FCGR3B: variants seen among roughly 807,000 people sequenced by gnomAD.
The protein encoded by FCGR3B is Fc gamma receptor IIIb.
Under a neutral mutation model 26.7 loss-of-function variants are expected in FCGR3B, and 20 were observed. The observed-to-expected ratio is 0.75, with a 90% CI of 0.53 to 1.09. FCGR3B has a LOEUF of 1.09. FCGR3B is among the 50% of genes least tolerant of loss of function. FCGR3B has a pLI of 0.00. For synonymous variants in FCGR3B, 79 were observed against 107.0 expected (o/e 0.74, Z 1.62); for missense variants, 191 against 279.7 (o/e 0.68, Z 2.26).
Position 161,624,650 on chromosome 1 carries a change from A to G in FCGR3B, c.578-11T>C. Reference sequence around the variant, plus strand: ...TTGACACTGCCAAACCTATTAGGAGAAGTGGAGAGATGAAAAAAAATGACA... The same window carrying G: ...TTGACACTGCCAAACCTATTAGGAGGAGTGGAGAGATGAAAAAAAATGACA... On this transcript the variant is annotated splice_polypyrimidine_tract_variant and intron_variant, in intron 4 of 4. Transcript: ENST00000650385. 1 of 1,596,414 alleles carries G rather than the reference A, an allele frequency of 6.3e-7. No individual in the cohort carries two copies. Among genetic ancestry groups the G allele is most frequent in the South Asian group, 1.1e-5 (1 of 89,358 alleles).
intron 3 of FCGR3B, 126 bp from the exon 4 acceptor site, chr1:161,626,528 A>G (rs1297379412): frequency 4.7e-6 from 4 of 844,762 alleles, no homozygotes; most frequent in Non-Finnish European, 7.1e-6. Context: ...TCAACCCTGC[A>G]TAGCTCCCTT....
At chr1:161,628,401 T>A (rs538424388) in intron 3 of FCGR3B, among the ~76,000 whole-genome samples, 1 of 150,366 alleles carries the variant, frequency 6.7e-6, no homozygotes, top group African/African-American at 2.5e-5. Flanking sequence ...CTAATTCTCA[T>A]GGTCACAGTT....
Position 161,626,885 on chromosome 1 carries a change from C to T in FCGR3B, c.320-483G>A, listed in dbSNP as rs138398547. Among the ~76,000 whole-genome samples, 15 of 150,352 alleles carry T rather than the reference C, an allele frequency of 1.0e-4. 4 individuals carry two copies. Among genetic ancestry groups the T allele is most frequent in the South Asian group, 6.3e-4 (3 of 4,734 alleles). ...CTTGTGGCCTTCAGGAATAAGCTGACGGTCGCCACAGAGTGGCTGCAGAAA... is the reference window on the plus strand; with the variant it reads ...CTTGTGGCCTTCAGGAATAAGCTGATGGTCGCCACAGAGTGGCTGCAGAAA... On this transcript the variant is annotated intron_variant, in intron 3 of 4. Coordinates refer to ENST00000650385, the MANE Select transcript of FCGR3B (RefSeq NM_001244753.2).
chr1:161,624,584 G>C lies in FCGR3B; in HGVS notation c.633C>G (p.Phe211Leu). The C allele has an allele frequency of 6.2e-7, 1 of 1,606,374 alleles. No individual in the cohort carries two copies. Among genetic ancestry groups the C allele is most frequent in the Non-Finnish European group, 8.5e-7 (1 of 1,176,328 alleles). ...SFSPPGYQVS[F>L]CLVMVLLFAV... ...CAAAAAGGAGTACCATCACCAAGCA[G>C]AAAGAGACTTGGTACCCAGGTGGAG... The change falls in exon 5 of 5, where the codon TTC (phenylalanine) becomes TTG (leucine). Residue 211 changes from phenylalanine (F) to leucine (L), a missense_variant. By Grantham distance (22) the Phe-to-Leu change is conservative (BLOSUM62 0). Transcript: ENST00000650385.
intron 4 of FCGR3B, among the ~76,000 whole-genome samples, chr1:161,625,345 G>A (rs1250642819): frequency 1.4e-5 from 2 of 138,418 alleles, no homozygotes; most frequent in East Asian, 2.0e-4. Context: ...TGATTCTGGA[G>A]GCTGGTGCTA....
chr1:161,625,160 C>A (rs1280538767), intron 4 of FCGR3B, among the ~76,000 whole-genome samples: 1 of 128,902 alleles, frequency 7.8e-6, no homozygotes, highest in Non-Finnish European at 1.7e-5. Context: ...TATTTACTTT[C>A]AGTTTAAAGT....
intron 4 of FCGR3B, 102 bp downstream of exon 4, chr1:161,626,043 G>A (rs1679436322): frequency 1.5e-6 from 2 of 1,373,196 alleles, no homozygotes; most frequent in South Asian, 1.4e-5. Flanking sequence ...ATGAAGAAGT[G>A]CGTGTAAGAA....
chr1:161,631,222 C>T (rs774032403), upstream of FCGR3B: 7 of 1,580,136 alleles, frequency 4.4e-6, 1 homozygote, highest in Non-Finnish European at 4.3e-6. Context: ...CTGCCAGTTT[C>T]CTTTTCTTGA....
Position 161,623,580 on chromosome 1 carries a change from C to T in FCGR3B, c.*935G>A, listed in dbSNP as rs1420018720. ...ACCCCGGCCAAGAAAGCATTTTCAC[C>T]TCCTGCGCTTTCCTTCCTGTGTGCT... On this transcript the variant is annotated 3_prime_UTR_variant, in exon 5 of 5. Coordinates refer to ENST00000650385, the MANE Select transcript of FCGR3B (RefSeq NM_001244753.2). 6.7e-6 allele frequency: 1 copy of T among 148,790 alleles called. No homozygotes were observed. The highest frequency in any genetic ancestry group is 1.9e-4 in the East Asian group (1 of 5,260). 9.2% of individuals were successfully genotyped at this position (148,790 alleles called of 1,614,324 possible). A position where few individuals can be genotyped will look rare whatever the true frequency, so the allele number is the denominator to read the frequency against.
In FCGR3B at chr1:161,630,018, C is replaced by G. The variant is rs201534974; in HGVS notation, c.79G>C (p.Val27Leu). The change falls in exon 3 of 5, where the codon GTG (valine) becomes CTG (leucine). Residue 27 changes from valine (V) to leucine (L), a missense_variant. By Grantham distance (32) the Val-to-Leu change is conservative (BLOSUM62 1). This residue lies in a region of FCGR3B where 88 missense variants were observed against 165.2 expected (regional missense o/e 0.53). Coordinates refer to ENST00000650385, the MANE Select transcript of FCGR3B (RefSeq NM_001244753.2). ...GMRTEDLPKA[V>L]VFLEPQWYSV... ...TACCATTGAGGCTCCAGGAACACCA[C>G]AGCCTTTGGGAGATCTTCTGAGGAG... The G allele has an allele frequency of 1.0e-4, 141 of 1,408,556 alleles. 25 individuals are homozygous for G. The highest frequency in any genetic ancestry group is 1.8e-4 in the Middle Eastern group (1 of 5,410). 87.3% of individuals were successfully genotyped at this position (1,408,556 alleles called of 1,614,324 possible).
chr1:161,625,017 A>C (rs974465855), intron 4 of FCGR3B, among the ~76,000 whole-genome samples: 1 of 138,458 alleles, frequency 7.2e-6, no homozygotes. Flanking sequence ...CTTGATTTTG[A>C]TATATTTCCA....
In FCGR3B at chr1:161,626,341, C is replaced by T. The variant is rs752240620; in HGVS notation, c.381G>A (p.Arg127=). Residue 127 remains arginine (R), a synonymous_variant, in exon 4 of 5, where the codon AGG becomes AGA. Coordinates refer to ENST00000650385, the MANE Select transcript of FCGR3B (RefSeq NM_001244753.2). ...GAGCAGTGTTCTTCCAGCTGTGACA[C>T]CTCAGGTGAATAGGGTCTTCCTCCT... ...VFKEEDPIHL[R]CHSWKNTALH... The T allele has an allele frequency of 8.7e-6, 14 of 1,608,682 alleles. No homozygotes were observed. The highest frequency in any genetic ancestry group is 1.2e-5 in the Non-Finnish European group (14 of 1,177,542).
chr1:161,627,008 G>A (rs1176259848), intron 3 of FCGR3B, among the ~76,000 whole-genome samples: 1 of 149,874 alleles, frequency 6.7e-6, no homozygotes, highest in African/African-American at 2.5e-5. Context: ...GGTGTCACAG[G>A]GCCTCGGTGA....
chr1:161,626,116 T>C (rs763200211), intron 4 of FCGR3B, 29 bp downstream of exon 4: 19 of 1,602,118 alleles, frequency 1.2e-5, no homozygotes, highest in Non-Finnish European at 1.6e-5. Context: ...CAGGCGTCCC[T>C]GGGCATTCCA....
upstream of FCGR3B, among the ~76,000 whole-genome samples, chr1:161,631,637 T>A (rs1679755954): frequency 7.5e-6 from 1 of 133,072 alleles, no homozygotes; most frequent in Non-Finnish European, 1.6e-5. Context: ...CCACTAGCAG[T>A]GTCTCTGCCT....
Position 161,626,246 on chromosome 1 carries a change from A to G in FCGR3B, c.476T>C (p.Ile159Thr), listed in dbSNP as rs779652750. The G allele has an allele frequency of 6.2e-7, 1 of 1,608,694 alleles. No homozygotes were observed. The highest frequency in any genetic ancestry group is 8.5e-7 in the Non-Finnish European group (1 of 1,177,686). The change falls in exon 4 of 5, where the codon ATT (isoleucine) becomes ACT (threonine). Residue 159 changes from isoleucine (I) to threonine (T), a missense_variant. This residue lies in a region of FCGR3B where 103 missense variants were observed against 114.5 expected (regional missense o/e 0.90). Transcript: ENST00000650385. Reference sequence around the variant, plus strand: ...GCTATCTTTGAGTGTGGCTTTTGGAATGTGGAAGTCAGAATTATGATGAAA... The same window carrying G: ...GCTATCTTTGAGTGTGGCTTTTGGAGTGTGGAAGTCAGAATTATGATGAAA... The part of the protein sequence containing the change: ...KYFHHNSDFH[I>T]PKATLKDSGS...
chr1:161,627,563 A>T (rs1679526831), intron 3 of FCGR3B, among the ~76,000 whole-genome samples: 1 of 150,558 alleles, frequency 6.6e-6, no homozygotes, highest in Non-Finnish European at 1.5e-5. Context: ...AGTAATCTTC[A>T]TTACCTATTA....
At chr1:161,627,239 A>T (rs1679512623) in intron 3 of FCGR3B, among the ~76,000 whole-genome samples, 1 of 150,288 alleles carries the variant, frequency 6.7e-6, no homozygotes, top group South Asian at 2.1e-4. Context: ...TTAAAAAAGC[A>T]TAATACTTCA....
intron 3 of FCGR3B, among the ~76,000 whole-genome samples, chr1:161,627,366 T>C (rs1407617635): frequency 6.7e-6 from 1 of 150,346 alleles, no homozygotes; most frequent in Non-Finnish European, 1.5e-5. Context: ...TGTTTACTTT[T>C]ATATATTTTT....
Sources: gnomAD v4.1 joint callset for allele counts (sites outside exome capture counted in the v4.1 genomes callset) on GRCh38, gnomAD v4.1.1 for gene constraint, gnomAD v4.1.1 regional missense constraint, MANE v1.5 for transcripts, NCBI Gene and HGNC (gene_info 2026-07-23, HGNC 2026-07-21) for gene names.